The following PNLIPRP1 variants were observed in gnomAD, a reference collection of about 807,000 sequenced individuals.
The protein encoded by PNLIPRP1 is inactive pancreatic lipase-related protein 1.
PNLIPRP1 carries 57 observed loss-of-function variants against 54.6 expected under a neutral mutation model. The ratio of observed to expected loss-of-function variants is 1.04; its 90% confidence interval spans 0.84 to 1.30. The LOEUF (loss-of-function observed/expected upper bound fraction) is 1.30. Ranked by LOEUF, PNLIPRP1 falls within the 50% of genes most tolerant of loss-of-function variation. PNLIPRP1 has a pLI of 0.00. For synonymous variants in PNLIPRP1, 232 were observed against 208.8 expected, an observed-to-expected ratio of 1.11 and a Z score of -0.96; for missense variants, 567 against 568.5, an observed-to-expected ratio of 1.00 and a Z score of 0.03.
At chr10:116,594,709 C>A in intron 4 of PNLIPRP1, 21 bp from the exon 5 acceptor site, 5 of 1,613,950 alleles carry the variant, frequency 3.1e-6, no homozygotes, top group Non-Finnish European at 3.4e-6. Context: ...CTCCCCAACC[C>A]CACTATCTCC....
chr10:116,591,652 G>A, intron 2 of PNLIPRP1, 119 bp from the exon 3 acceptor site: 1 of 1,015,836 alleles, frequency 9.8e-7, no homozygotes, highest in South Asian at 1.5e-5. Context: ...GTTGCAGTAG[G>A]TTCATCCATT....
chr10:116,605,570 G>C lies in PNLIPRP1; in HGVS notation c.1340+17G>C, dbSNP rs1554865491. ...GAAGACAGTGTATGTATCTTTGCTG[G>C]CTGGTGCCTAAAAATGTTTGCAGAG... On this transcript the variant is annotated intron_variant, in intron 12 of 12. Transcript: ENST00000358834. The C allele has an allele frequency of 6.8e-7, 1 of 1,477,340 alleles. No homozygotes were observed. Among genetic ancestry groups the C allele is most frequent in the Non-Finnish European group, 9.1e-7 (1 of 1,095,842 alleles). The allele number at this position is 1,477,340 out of a possible 1,614,324, so 91.5% of individuals were successfully genotyped here.
Position 116,599,314 on chromosome 10 carries a change from G to A in PNLIPRP1, c.815-733G>A, listed in dbSNP as rs551686154. ...AATAAAATAAAAAATAAAGAATGAG[G>A]ACATATGCAGTTTGTCTTTCACAGC... On this transcript the variant is annotated intron_variant, in intron 8 of 12. Coordinates refer to ENST00000358834, the MANE Select transcript of PNLIPRP1 (RefSeq NM_006229.4). Among the ~76,000 whole-genome samples, 90 of 100,556 alleles carry A rather than the reference G, an allele frequency of 9.0e-4. 1 individual carries two copies. The highest frequency in any genetic ancestry group is 2.6e-3 in the African/African-American group (83 of 31,380). The allele number at this position is 100,556 out of a possible 152,430, so 66.0% of individuals were successfully genotyped here. A position where few individuals can be genotyped will look rare whatever the true frequency, so the allele number is the denominator to read the frequency against.
In PNLIPRP1 at chr10:116,601,191, C is replaced by G. The variant is rs992152840; in HGVS notation, c.1053C>G (p.Ser351Arg). The change falls in exon 10 of 13, where the codon AGC (serine) becomes AGG (arginine). Residue 351 changes from serine (S) to arginine (R), a missense_variant. Coordinates refer to ENST00000358834, the MANE Select transcript of PNLIPRP1 (RefSeq NM_006229.4). Reference sequence around the variant, plus strand: ...TCTTCTTGAACACAGGAGAGGCTAGCAATTTCGCTCGTAAGTTGCACTTTG... The same window carrying G: ...TCTTCTTGAACACAGGAGAGGCTAGGAATTTCGCTCGTAAGTTGCACTTTG... ...QKFFLNTGEASNFARWRYGVS... is the reference protein window; with the variant it reads ...QKFFLNTGEARNFARWRYGVS... 6.2e-7 allele frequency: 1 copy of G among 1,612,420 alleles called. No homozygotes were observed. Among genetic ancestry groups the G allele is most frequent in the African/African-American group, 1.3e-5 (1 of 74,816 alleles).
At position 116,596,210 on chromosome 10, in the gene PNLIPRP1, C is replaced by G; in HGVS notation, c.466-4C>G. 6.3e-7 allele frequency: 1 copy of G among 1,592,802 alleles called. No homozygotes were observed. The highest frequency in any genetic ancestry group is 8.6e-7 in the Non-Finnish European group (1 of 1,161,172). ...GTCCTGAAAATACAATCTTCCCTCT[C>G]CAGACAGAGTATAGCTACCCCCCTT... On this transcript the variant is annotated splice_polypyrimidine_tract_variant and splice_region_variant and intron_variant, in intron 5 of 12. Coordinates refer to ENST00000358834, the MANE Select transcript of PNLIPRP1 (RefSeq NM_006229.4).
At chr10:116,604,524 A>G (rs1388741661) in intron 11 of PNLIPRP1, among the ~76,000 whole-genome samples, 2 of 152,150 alleles carry the variant, frequency 1.3e-5, no homozygotes, top group Non-Finnish European at 2.9e-5. Context: ...TGATGTCCAC[A>G]CAATGATTAA....
intron 10 of PNLIPRP1, among the ~76,000 whole-genome samples, chr10:116,603,109 G>A (rs993923985): frequency 1.3e-5 from 2 of 152,184 alleles, no homozygotes; most frequent in African/African-American, 2.4e-5. Context: ...ATTTGTGTGC[G>A]TGTGCATGCA....
chr10:116,591,282 T>A, intron 2 of PNLIPRP1, 104 bp downstream of exon 2: 1 of 841,230 alleles, frequency 1.2e-6, no homozygotes, highest in Admixed American at 2.2e-5. Context: ...AGCTCCAGGG[T>A]ACCAGAGAGA....
intron 9 of PNLIPRP1, among the ~76,000 whole-genome samples, chr10:116,600,695 G>A (rs1333166990): frequency 6.6e-6 from 1 of 152,174 alleles, no homozygotes; most frequent in Non-Finnish European, 1.5e-5. Context: ...GAGACATCAT[G>A]TTGGTAGCCT....
chr10:116,605,124 C>A lies in PNLIPRP1; in HGVS notation c.1173-262C>A, dbSNP rs192504253. On this transcript the variant is annotated intron_variant, in intron 11 of 12. Coordinates refer to ENST00000358834, the MANE Select transcript of PNLIPRP1 (RefSeq NM_006229.4). ...CCAATTTGTTACTGTACAAATAATT[C>A]TTCCAAAACATATAAAATGATATGC... Among the ~76,000 whole-genome samples, 120 of 152,172 alleles carry A rather than the reference C, an allele frequency of 7.9e-4. 1 individual carries two copies. The highest frequency in any genetic ancestry group is 2.7e-3 in the African/African-American group (113 of 41,520).
intron 12 of PNLIPRP1, 53 bp downstream of exon 12, chr10:116,605,606 T>A: frequency 7.5e-7 from 1 of 1,335,368 alleles, no homozygotes; most frequent in Non-Finnish European, 1.0e-6. Flanking sequence ...ATTCATGTTA[T>A]AATGAAAACC....
At chr10:116,604,539 CCTAAGGACACATTT>C (rs1847903568) in intron 11 of PNLIPRP1, among the ~76,000 whole-genome samples, 1 of 152,124 alleles carries the variant, frequency 6.6e-6, no homozygotes, top group African/African-American at 2.4e-5. Context: ...GATTAAATTA[CCTAAGGACACATTT>C]CTCAGAACAT....
chr10:116,601,348 A>C (rs1847835860), intron 10 of PNLIPRP1, 147 bp downstream of exon 10: 1 of 741,470 alleles, frequency 1.3e-6, no homozygotes, highest in African/African-American at 1.8e-5. Context: ...TTGCAGTTAC[A>C]AGTAAACTGA....
At chr10:116,596,841 T>A (rs11197747) in intron 6 of PNLIPRP1, among the ~76,000 whole-genome samples, 1 of 152,054 alleles carries the variant, frequency 6.6e-6, no homozygotes, top group Non-Finnish European at 1.5e-5. Flanking sequence ...CAGCAAGATA[T>A]ATCTACATAA....
chr10:116,591,629 G>T, intron 2 of PNLIPRP1, 142 bp from the exon 3 acceptor site: 1 of 809,588 alleles, frequency 1.2e-6, no homozygotes, highest in East Asian at 2.4e-5. Context: ...GGGTCAAGAA[G>T]AGAGTGGGAG....
Position 116,603,657 on chromosome 10 carries a change from C to T in PNLIPRP1, c.1064-373C>T, listed in dbSNP as rs180889911. 1.9e-4 allele frequency among the ~76,000 whole-genome samples: 29 copies of T among 152,242 alleles called. No individual in the cohort carries two copies. In the East Asian group the frequency reaches 4.6e-3, roughly 24 times the overall value. The stretch of plus-strand genomic sequence containing the variant: ...CCTGTATTCCCATCACTTTGGGAGG[C>T]GGACACGGGCGGATCACTTGAGGTC... On this transcript the variant is annotated intron_variant, in intron 10 of 12. Transcript: ENST00000358834.
chr10:116,594,002 T>A, intron 4 of PNLIPRP1: 1 of 161,514 alleles, frequency 6.2e-6, no homozygotes, highest in South Asian at 1.5e-4. Flanking sequence ...AAAAGAAAAG[T>A]CCTGAGGAGA....
chr10:116,603,261 G>A (rs1554865083), intron 10 of PNLIPRP1, among the ~76,000 whole-genome samples: 2 of 151,990 alleles, frequency 1.3e-5, no homozygotes, highest in African/African-American at 2.4e-5. Context: ...CTGCACTCCC[G>A]AGCTACCTTC....
chr10:116,596,520 T>C (rs1472635516), intron 6 of PNLIPRP1, among the ~76,000 whole-genome samples, 198 bp downstream of exon 6: 1 of 152,122 alleles, frequency 6.6e-6, no homozygotes, highest in Non-Finnish European at 1.5e-5. Context: ...GGAAGGGTGA[T>C]TTTGTTCCTC....
Sources: gnomAD v4.1 joint callset for allele counts (sites outside exome capture counted in the v4.1 genomes callset) on GRCh38, gnomAD v4.1.1 for gene constraint, MANE v1.5 for transcripts, NCBI Gene and HGNC (gene_info 2026-07-23, HGNC 2026-07-21) for gene names.